Variants in CLIP1 observed in about 807,000 individuals in gnomAD.
CLIP1 encodes CAP-Gly domain-containing linker protein 1.
In CLIP1, 66 loss-of-function variants were observed where a neutral mutation model predicts 161.6. The ratio of observed to expected loss-of-function variants is 0.41; its 90% CI spans 0.33 to 0.50. The LOEUF is 0.50. Among genes scored for constraint, CLIP1 ranks in the 20% least tolerant of loss-of-function variants. The probability of loss-of-function intolerance (pLI) is 0.27; values close to 1 mark genes in which losing one functional copy is unlikely to be tolerated. For synonymous variants in CLIP1, 598 were observed against 626.2 expected (o/e 0.96, Z 0.67); for missense variants, 1,376 against 1,702.0 (o/e 0.81, Z 3.37).
At chr12:122,416,455 C>T (rs1158131133) in intron 1 of CLIP1, among the ~76,000 whole-genome samples, 1 of 152,084 alleles carries the variant, frequency 6.6e-6, no homozygotes, top group African/African-American at 2.4e-5. Context: ...TTATCTTCAT[C>T]AAAATCATTA....
chr12:122,322,772 T>C (rs1951562487), intron 17 of CLIP1: 1 of 152,698 alleles, frequency 6.5e-6, no homozygotes, highest in African/African-American at 2.4e-5. Flanking sequence ...CTGGATCTCC[T>C]TGCTTAATTT....
intron 12 of CLIP1, among the ~76,000 whole-genome samples, chr12:122,335,929 T>C (rs1214515920): frequency 6.6e-6 from 1 of 152,086 alleles, no homozygotes; most frequent in Non-Finnish European, 1.5e-5. Context: ...CACATATACC[T>C]CGTCTAGTTT....
intron 19 of CLIP1, among the ~76,000 whole-genome samples, chr12:122,313,589 G>A (rs1051528101): frequency 3.3e-5 from 5 of 151,928 alleles, no homozygotes; most frequent in Non-Finnish European, 4.4e-5. Context: ...AGCTGGGCAC[G>A]GTGGTACATG....
At chr12:122,401,599 C>G (rs1956145220) in intron 1 of CLIP1, among the ~76,000 whole-genome samples, 1 of 151,422 alleles carries the variant, frequency 6.6e-6, no homozygotes, top group African/African-American at 2.4e-5. Context: ...ACCTGGGAGG[C>G]AGAGGTTGCG....
At chr12:122,404,836 G>T (rs1409567877) in intron 1 of CLIP1, among the ~76,000 whole-genome samples, 11 of 150,118 alleles carry the variant, frequency 7.3e-5, no homozygotes, top group Admixed American at 4.0e-4. Context: ...GGAGGCGGAG[G>T]TTGCAGTGAG....
intron 21 of CLIP1, chr12:122,280,806 A>G (rs1955616201): frequency 6.6e-6 from 1 of 152,284 alleles, no homozygotes; most frequent in Non-Finnish European, 1.5e-5. Context: ...AAAACTGGAG[A>G]AAAGTTTCCT....
intron 5 of CLIP1, among the ~76,000 whole-genome samples, chr12:122,357,757 C>T (rs1449801267): frequency 1.3e-5 from 2 of 149,308 alleles, no homozygotes; most frequent in Admixed American, 6.7e-5. Flanking sequence ...CCGGCCGCCC[C>T]TACTGGGAAG....
At chr12:122,293,022 AG>A (rs1950318855) in intron 20 of CLIP1, among the ~76,000 whole-genome samples, 1 of 148,708 alleles carries the variant, frequency 6.7e-6, no homozygotes. Flanking sequence ...AAAAAAAAAA[AG>A]GCAAAGAAAG....
chr12:122,401,747 C>A (rs1276379233), intron 1 of CLIP1, among the ~76,000 whole-genome samples: 2 of 151,958 alleles, frequency 1.3e-5, no homozygotes, highest in Non-Finnish European at 2.9e-5. Context: ...GCCTGTAATC[C>A]CAGCACTTTG....
intron 21 of CLIP1, among the ~76,000 whole-genome samples, chr12:122,284,416 G>A (rs982059994): frequency 5.3e-5 from 8 of 151,562 alleles, no homozygotes; most frequent in Non-Finnish European, 1.2e-4. Flanking sequence ...GCAATGGCGC[G>A]ATCTCGGCGC....
chr12:122,409,584 T>A, intron 1 of CLIP1, among the ~76,000 whole-genome samples: 1 of 152,112 alleles, frequency 6.6e-6, no homozygotes, highest in Non-Finnish European at 1.5e-5. Context: ...CAGGTTGGAG[T>A]GCAGTGGCTC....
At chr12:122,370,229 G>A (rs1954377151) in intron 3 of CLIP1, among the ~76,000 whole-genome samples, 1 of 151,498 alleles carries the variant, frequency 6.6e-6, no homozygotes, top group South Asian at 2.1e-4. Flanking sequence ...CTGAAGCAGA[G>A]TGAGAAAGGG....
At chr12:122,274,234 G>A in intron 24 of CLIP1, 72 bp from the exon 25 acceptor site, 3 of 1,359,466 alleles carry the variant, frequency 2.2e-6, no homozygotes, top group South Asian at 2.4e-5. Context: ...AAGTCATGAA[G>A]TTTATACCTT....
At position 122,377,908 on chromosome 12, in the gene CLIP1, T is replaced by C. The variant is rs371009233; in HGVS notation, c.138A>G (p.Pro46=). ...TISSEKASST[P]SSETQEEFVD... is the part of the protein sequence containing the mutation. ...CAAATTCCTCCTGAGTCTCAGATGA[T>C]GGAGTGCTTGATGCTTTTTCACTGG... The change falls in exon 3 of 26, where the codon CCA becomes CCG. Residue 46 remains proline, a synonymous_variant. Transcript: ENST00000620786. The C allele has an allele frequency of 7.8e-5, 126 of 1,613,912 alleles. 1 individual carries two copies. The South Asian group carries it at 1.1e-3, about 15-fold the overall frequency.
At chr12:122,312,655 T>C (rs1444848549) in intron 19 of CLIP1, among the ~76,000 whole-genome samples, 1 of 152,118 alleles carries the variant, frequency 6.6e-6, no homozygotes, top group Non-Finnish European at 1.5e-5. Context: ...TCCCAGCTAC[T>C]TGGGAGGCTG....
chr12:122,365,447 A>G (rs1405623585), intron 3 of CLIP1: 1 of 782,854 alleles, frequency 1.3e-6, no homozygotes, highest in Non-Finnish European at 2.3e-6. Flanking sequence ...TAAGCACTCT[A>G]AGAGCCAAGA....
chr12:122,304,522 G>A (rs941663599), intron 20 of CLIP1, among the ~76,000 whole-genome samples: 5 of 152,168 alleles, frequency 3.3e-5, no homozygotes, highest in East Asian at 3.9e-4. Flanking sequence ...CACCATGCCC[G>A]GCTAATTTTT....
At chr12:122,363,354 T>C (rs1271788758) in intron 4 of CLIP1, among the ~76,000 whole-genome samples, 3 of 152,072 alleles carry the variant, frequency 2.0e-5, no homozygotes, top group South Asian at 4.1e-4. Context: ...TAGCCAGGCA[T>C]TGTGGCGTGC....
chr12:122,319,925 A>G (rs927268886), intron 17 of CLIP1, among the ~76,000 whole-genome samples: 4 of 152,200 alleles, frequency 2.6e-5, no homozygotes, highest in African/African-American at 9.6e-5. Context: ...GCTGTGAATA[A>G]AAAGATGCAT....
Sources: gnomAD v4.1 joint callset for allele counts (sites outside exome capture counted in the v4.1 genomes callset) on GRCh38, gnomAD v4.1.1 for gene constraint, MANE v1.5 for transcripts, NCBI Gene and HGNC (gene_info 2026-07-23, HGNC 2026-07-21) for gene names.